SAMMSON: variants seen among roughly 807,000 people sequenced by gnomAD.
SAMMSON encodes the protein long intergenic non-protein coding RNA 1212.
chr3:70,191,601 A>T (rs988558868), intron 4 of SAMMSON, among the ~76,000 whole-genome samples: 1 of 152,232 alleles, frequency 6.6e-6, no homozygotes, highest in African/African-American at 2.4e-5. Context: ...AGCATTTTGA[A>T]GATGTTCCAA....
At chr3:70,365,147 G>A (rs942955940) in intron 9 of SAMMSON, among the ~76,000 whole-genome samples, 1 of 151,518 alleles carries the variant, frequency 6.6e-6, no homozygotes, top group African/African-American at 2.4e-5. Flanking sequence ...CATCCTAAAA[G>A]CACTTTCTTA....
chr3:70,158,126 G>A (rs2067599569), intron 4 of SAMMSON, among the ~76,000 whole-genome samples: 1 of 152,036 alleles, frequency 6.6e-6, no homozygotes, highest in South Asian at 2.1e-4. Context: ...ACCAAGTTGT[G>A]CAACCATCAC....
At chr3:70,065,923 A>G (rs2067207756) in intron 3 of SAMMSON, among the ~76,000 whole-genome samples, 1 of 152,154 alleles carries the variant, frequency 6.6e-6, no homozygotes, top group Non-Finnish European at 1.5e-5. Context: ...AAGAGAGTCC[A>G]TAAACTCTTG....
At chr3:70,112,957 T>G (rs1038681048) in intron 4 of SAMMSON, among the ~76,000 whole-genome samples, 2 of 152,186 alleles carry the variant, frequency 1.3e-5, no homozygotes, top group Admixed American at 6.5e-5. Flanking sequence ...TATTGAGTGC[T>G]TTCTATGAAC....
At chr3:70,335,211 A>T (rs896000812) in intron 7 of SAMMSON, among the ~76,000 whole-genome samples, 10 of 152,010 alleles carry the variant, frequency 6.6e-5, no homozygotes, top group African/African-American at 2.4e-4. Flanking sequence ...TTCATCTCCA[A>T]ACGCATTGCA....
intron 4 of SAMMSON, among the ~76,000 whole-genome samples, chr3:70,117,774 T>C (rs1266225406): frequency 6.6e-6 from 1 of 152,162 alleles, no homozygotes; most frequent in East Asian, 1.9e-4. Context: ...AACTTGATAA[T>C]TGTTTAGATA....
intron 4 of SAMMSON, among the ~76,000 whole-genome samples, chr3:70,099,713 C>T (rs752664319): frequency 6.6e-6 from 1 of 152,192 alleles, no homozygotes; most frequent in Non-Finnish European, 1.5e-5. Flanking sequence ...CATTCTCCAT[C>T]TCCTACTTAA....
chr3:70,238,633 C>T (rs1446583758), intron 4 of SAMMSON, among the ~76,000 whole-genome samples: 1 of 151,806 alleles, frequency 6.6e-6, no homozygotes, highest in Admixed American at 6.6e-5. Context: ...AAAAGTCTCT[C>T]TGAGAATAAA....
At chr3:70,065,646 C>T (rs985572976) in intron 3 of SAMMSON, among the ~76,000 whole-genome samples, 13 of 151,980 alleles carry the variant, frequency 8.6e-5, no homozygotes, top group Admixed American at 6.6e-4. Context: ...CATATGGTAC[C>T]GTCTAGAGAC....
At chr3:70,190,811 C>T (rs972869014) in intron 4 of SAMMSON, among the ~76,000 whole-genome samples, 1 of 152,094 alleles carries the variant, frequency 6.6e-6, no homozygotes, top group Non-Finnish European at 1.5e-5. Context: ...CCATCTTCAC[C>T]TCACCTCCCA....
At chr3:70,410,178 G>A (rs916078122) in intron 2 of SAMMSON, among the ~76,000 whole-genome samples, 8 of 152,090 alleles carry the variant, frequency 5.3e-5, no homozygotes, top group African/African-American at 1.9e-4. Context: ...GCCTCATGCT[G>A]TCGGCATCCA....
At chr3:70,415,743 G>A (rs1214531602) in intron 2 of SAMMSON, among the ~76,000 whole-genome samples, 2 of 152,118 alleles carry the variant, frequency 1.3e-5, no homozygotes, top group Non-Finnish European at 1.5e-5. Flanking sequence ...CTTTTGAAGA[G>A]TAACATTAGA....
At chr3:70,136,943 A>T (rs955968411) in intron 4 of SAMMSON, among the ~76,000 whole-genome samples, 3 of 152,178 alleles carry the variant, frequency 2.0e-5, no homozygotes, top group African/African-American at 7.2e-5. Context: ...AAGAGTCTTT[A>T]TGTGTATATG....
chr3:70,004,672 T>G (rs1209357554), intron 1 of SAMMSON, among the ~76,000 whole-genome samples: 1 of 152,192 alleles, frequency 6.6e-6, no homozygotes, highest in Admixed American at 6.5e-5. Context: ...TAAAATTTAG[T>G]CAGCATACAA....
At chr3:70,365,973 T>TC (rs1559573606) in intron 9 of SAMMSON, among the ~76,000 whole-genome samples, 1 of 33,544 alleles carries the variant, frequency 3.0e-5, no homozygotes, top group African/African-American at 1.2e-4. Context: ...ACCTTTTCTT[T>TC]TTTTTTTTTT....
At chr3:70,273,097 GA>G (rs1356987330) in intron 6 of SAMMSON, among the ~76,000 whole-genome samples, 1 of 152,160 alleles carries the variant, frequency 6.6e-6, no homozygotes, top group Non-Finnish European at 1.5e-5. Context: ...TTTTGTCTGG[GA>G]AAGGCTGCCG....
chr3:70,311,300 T>C (rs1702451530), intron 7 of SAMMSON, among the ~76,000 whole-genome samples: 1 of 152,216 alleles, frequency 6.6e-6, no homozygotes, highest in African/African-American at 2.4e-5. Context: ...CCGTGCCTTC[T>C]AGTAAATAAT....
intron 9 of SAMMSON, among the ~76,000 whole-genome samples, chr3:70,380,698 C>T (rs370380628): frequency 3.3e-5 from 5 of 152,076 alleles, no homozygotes; most frequent in East Asian, 1.9e-4. Context: ...CCCTCTCCCC[C>T]CTACCCCACA....
chr3:70,324,294 A>G (rs1169060912), intron 7 of SAMMSON, among the ~76,000 whole-genome samples: 2 of 152,056 alleles, frequency 1.3e-5, no homozygotes, highest in Non-Finnish European at 2.9e-5. Context: ...TGCAGTTCAT[A>G]CAAGTGGCAC....
Sources: gnomAD v4.1 joint callset for allele counts (sites outside exome capture counted in the v4.1 genomes callset) on GRCh38, gnomAD v4.1.1 for gene constraint, MANE v1.5 for transcripts, NCBI Gene and HGNC (gene_info 2026-07-23, HGNC 2026-07-21) for gene names.